XPR1: variants seen among roughly 807,000 people sequenced by gnomAD.
The protein encoded by XPR1 is xenotropic and polytropic retrovirus receptor 1, also known as solute carrier family 53 member 1.
Under a neutral mutation model 87.5 loss-of-function variants are expected in XPR1, and 28 were observed. The observed-to-expected ratio is 0.32, with a 90% CI of 0.24 to 0.44. The LOEUF is 0.44. XPR1 is among the 20% of genes least tolerant of loss of function. XPR1 has a pLI of 1.00. For missense variants in XPR1, 559 were observed against 862.3 expected (o/e 0.65, Z 4.41); for synonymous variants, 300 against 306.1 (o/e 0.98, Z 0.21).
chr1:180,827,116 T>TGCACTCCA (rs1650875653), intron 9 of XPR1, among the ~76,000 whole-genome samples: 1 of 137,440 alleles, frequency 7.3e-6, no homozygotes. Context: ...ATGGTGCTGC[T>TGCACTCCA]GCACTCCAGC....
intron 2 of XPR1, among the ~76,000 whole-genome samples, chr1:180,755,570 A>G (rs1647702401): frequency 6.6e-6 from 1 of 152,176 alleles, no homozygotes; most frequent in African/African-American, 2.4e-5. Flanking sequence ...AGCCCTCTGC[A>G]CTACTTCACA....
intron 3 of XPR1, among the ~76,000 whole-genome samples, chr1:180,802,779 A>G (rs899208248): frequency 6.6e-6 from 1 of 152,154 alleles, no homozygotes; most frequent in Non-Finnish European, 1.5e-5. Context: ...AACATACAAT[A>G]TTGGGTATTT....
At chr1:180,689,706 G>T (rs144675866) in intron 2 of XPR1, among the ~76,000 whole-genome samples, 1 of 152,160 alleles carries the variant, frequency 6.6e-6, no homozygotes, top group Admixed American at 6.5e-5. Context: ...ATGGACTTTA[G>T]TTAATAATAA....
At chr1:180,855,494 G>A (rs187151888) in intron 11 of XPR1, among the ~76,000 whole-genome samples, 75 of 151,938 alleles carry the variant, frequency 4.9e-4, no homozygotes, top group African/African-American at 1.4e-3. Flanking sequence ...GTGAAACCTC[G>A]TCTCTACTAA....
chr1:180,855,532 G>A (rs1355695531), intron 11 of XPR1, among the ~76,000 whole-genome samples: 1 of 151,964 alleles, frequency 6.6e-6, no homozygotes, highest in Non-Finnish European at 1.5e-5. Context: ...GGGTGTGGTG[G>A]TGTGTGCCTG....
intron 2 of XPR1, among the ~76,000 whole-genome samples, chr1:180,711,370 G>A (rs193230486): frequency 0.04 from 6,149 of 152,230 alleles, 158 homozygotes; most frequent in Non-Finnish European, 0.061. Context: ...CCAGCACCTC[G>A]GGAGGCCAAG....
intron 2 of XPR1, among the ~76,000 whole-genome samples, chr1:180,728,044 G>C (rs183675025): frequency 6.6e-6 from 1 of 152,154 alleles, no homozygotes; most frequent in African/African-American, 2.4e-5. Context: ...ATGCAGCCCA[G>C]TAGGTTTCAG....
At chr1:180,664,341 G>A (rs1189507005) in intron 1 of XPR1, among the ~76,000 whole-genome samples, 1 of 152,140 alleles carries the variant, frequency 6.6e-6, no homozygotes, top group Admixed American at 6.5e-5. Flanking sequence ...CAAGGGTTCT[G>A]TGTTCAGCAG....
chr1:180,678,973 A>T lies in XPR1; in HGVS notation c.70-3387A>T, dbSNP rs184455891. On this transcript the variant is annotated intron_variant, in intron 1 of 14. Transcript: ENST00000367590. ...CACTTTAGGAGGCCGAGGCGGGTGG[A>T]TCACGAGGTCAGGAGATCGAGACCA... Among the ~76,000 whole-genome samples the T allele has an allele frequency of 2.9e-3, 442 of 152,134 alleles. 3 individuals are homozygous for T. Among genetic ancestry groups the T allele is most frequent in the African/African-American group, 9.6e-3 (400 of 41,506 alleles).
In XPR1 at chr1:180,887,487, C is replaced by T. The variant is rs1249488605; in HGVS notation, c.*3421C>T. 2.0e-5 allele frequency: 3 copies of T among 152,076 alleles called. No individual in the cohort carries two copies. The highest frequency in any genetic ancestry group is 1.9e-4 in the East Asian group (1 of 5,196). The allele number at this position is 152,076 out of a possible 1,614,324, so 9.4% of individuals were successfully genotyped here. A position where few individuals can be genotyped will look rare whatever the true frequency, so the allele number is the denominator to read the frequency against. Reference sequence around the variant, plus strand: ...AAGGCTGCCTATACCATTACAGTGGCGTAATTGGTGATTTCATAGCATACA... The same window carrying T: ...AAGGCTGCCTATACCATTACAGTGGTGTAATTGGTGATTTCATAGCATACA... On this transcript the variant is annotated 3_prime_UTR_variant, in exon 15 of 15. Transcript: ENST00000367590.
At chr1:180,797,584 A>G (rs1159901123) in intron 3 of XPR1, among the ~76,000 whole-genome samples, 1 of 152,230 alleles carries the variant, frequency 6.6e-6, no homozygotes, top group Non-Finnish European at 1.5e-5. Context: ...ACATTAAACA[A>G]TTAGCAAATT....
chr1:180,768,832 G>C (rs958219468), intron 2 of XPR1, among the ~76,000 whole-genome samples: 3 of 152,112 alleles, frequency 2.0e-5, no homozygotes, highest in Non-Finnish European at 2.9e-5. Flanking sequence ...ACTACTTTAG[G>C]TTATAGAAAT....
chr1:180,701,767 G>A (rs1255999206), intron 2 of XPR1, among the ~76,000 whole-genome samples: 4 of 141,440 alleles, frequency 2.8e-5, no homozygotes, highest in Non-Finnish European at 6.0e-5. Flanking sequence ...TTTTTCTATC[G>A]ATTGGAATAG....
intron 2 of XPR1, among the ~76,000 whole-genome samples, chr1:180,767,246 A>G (rs1648320990): frequency 6.6e-6 from 1 of 152,218 alleles, no homozygotes; most frequent in African/African-American, 2.4e-5. Flanking sequence ...AGTTTTAATA[A>G]TGAGTAAAAG....
intron 2 of XPR1, among the ~76,000 whole-genome samples, chr1:180,712,333 A>G (rs1657828653): frequency 1.3e-5 from 2 of 152,234 alleles, no homozygotes; most frequent in Admixed American, 1.3e-4. Context: ...GATGATTCTC[A>G]TCCCAGGCAA....
chr1:180,714,380 TC>T (rs1657913078), intron 2 of XPR1, among the ~76,000 whole-genome samples: 1 of 144,474 alleles, frequency 6.9e-6, no homozygotes, highest in Non-Finnish European at 1.5e-5. Context: ...TCTCTCTCTC[TC>T]TCTCTCTCTC....
rs944501419 is a variant in XPR1 at position 180,708,785 on chromosome 1, T to C, written c.121+26374T>C. 1.7e-4 allele frequency among the ~76,000 whole-genome samples: 26 copies of C among 152,126 alleles called. 1 individual carries two copies. Among genetic ancestry groups the C allele is most frequent in the African/African-American group, 5.1e-4 (21 of 41,416 alleles). ...ATTTTTTATGTTGTAAAGTTAAATA[T>C]TGTTTTTTAACAAAAATTTTCCCCA... On this transcript the variant is annotated intron_variant, in intron 2 of 14. Transcript: ENST00000367590.
At chr1:180,719,951 TG>T (rs1183327452) in intron 2 of XPR1, among the ~76,000 whole-genome samples, 3 of 152,228 alleles carry the variant, frequency 2.0e-5, no homozygotes, top group African/African-American at 7.2e-5. Flanking sequence ...GTTAGGGCTC[TG>T]TCTAGTAGAC....
chr1:180,801,263 G>T (rs879342124), intron 3 of XPR1, among the ~76,000 whole-genome samples: 1 of 152,188 alleles, frequency 6.6e-6, no homozygotes, highest in Non-Finnish European at 1.5e-5. Flanking sequence ...GGATGCAGGT[G>T]CTCTCCTCAC....
Sources: gnomAD v4.1 joint callset for allele counts (sites outside exome capture counted in the v4.1 genomes callset) on GRCh38, gnomAD v4.1.1 for gene constraint, MANE v1.5 for transcripts, NCBI Gene and HGNC (gene_info 2026-07-23, HGNC 2026-07-21) for gene names.